Variants in CACNA2D3 observed in about 807,000 individuals in gnomAD.
The protein encoded by CACNA2D3 is voltage-dependent calcium channel subunit alpha-2/delta-3.
CACNA2D3 carries 60 observed loss-of-function variants against 160.6 expected under a neutral mutation model. The ratio of observed to expected loss-of-function variants is 0.37; its 90% CI spans 0.30 to 0.46. The LOEUF (loss-of-function observed/expected upper bound fraction) is 0.46. Ranked by LOEUF, CACNA2D3 falls within the 20% of genes least tolerant of loss-of-function variation. The pLI, the probability that CACNA2D3 is intolerant of heterozygous loss-of-function variation, is 1.00. For missense variants in CACNA2D3, 1,205 were observed against 1,365.0 expected, an observed-to-expected ratio of 0.88 and a Z score of 1.85; for synonymous variants, 558 against 492.9, an observed-to-expected ratio of 1.13 and a Z score of -1.75.
chr3:54,813,046 A>G (rs990506175), intron 13 of CACNA2D3, among the ~76,000 whole-genome samples: 1 of 152,108 alleles, frequency 6.6e-6, no homozygotes, highest in African/African-American at 2.4e-5. Flanking sequence ...CACATTCTCC[A>G]TGTTTGAATG....
At chr3:54,649,156 C>T (rs1699711068) in intron 11 of CACNA2D3, among the ~76,000 whole-genome samples, 2 of 152,154 alleles carry the variant, frequency 1.3e-5, no homozygotes, top group East Asian at 1.9e-4. Flanking sequence ...TCTCCTTTTC[C>T]CTCTCTCCTT....
At chr3:54,134,879 C>G (rs1380150627) in intron 2 of CACNA2D3, among the ~76,000 whole-genome samples, 1 of 152,248 alleles carries the variant, frequency 6.6e-6, no homozygotes, top group East Asian at 1.9e-4. Flanking sequence ...CAGTACCAAG[C>G]TGAGCAGCTG....
chr3:54,726,039 G>A (rs1320875914), intron 11 of CACNA2D3, among the ~76,000 whole-genome samples: 1 of 151,946 alleles, frequency 6.6e-6, no homozygotes, highest in Non-Finnish European at 1.5e-5. Context: ...AGTCTCCTTA[G>A]GCTGATAAGC....
At chr3:54,191,991 G>A (rs1164880437) in intron 2 of CACNA2D3, among the ~76,000 whole-genome samples, 1 of 152,160 alleles carries the variant, frequency 6.6e-6, no homozygotes, top group Non-Finnish European at 1.5e-5. Context: ...GTTTGGAGGA[G>A]GTTTGGGTTT....
chr3:54,177,085 C>T (rs1379120193), intron 2 of CACNA2D3, among the ~76,000 whole-genome samples: 3 of 152,144 alleles, frequency 2.0e-5, no homozygotes, highest in Non-Finnish European at 2.9e-5. Flanking sequence ...GAGTGAGTCC[C>T]CCATAAATGG....
intron 5 of CACNA2D3, among the ~76,000 whole-genome samples, chr3:54,542,864 A>G (rs1290443371): frequency 6.6e-6 from 1 of 152,316 alleles, no homozygotes; most frequent in South Asian, 2.1e-4. Flanking sequence ...ATATTAAGGA[A>G]CACAAAATTA....
intron 17 of CACNA2D3, among the ~76,000 whole-genome samples, chr3:54,866,484 C>CAT (rs1699403549): frequency 6.6e-6 from 1 of 152,168 alleles, no homozygotes; most frequent in Non-Finnish European, 1.5e-5. Flanking sequence ...GTCCAGATGG[C>CAT]ATTAGCTTTG....
At chr3:54,965,542 G>T (rs897263476) in intron 27 of CACNA2D3, among the ~76,000 whole-genome samples, 4 of 152,138 alleles carry the variant, frequency 2.6e-5, no homozygotes, top group Admixed American at 2.0e-4. Flanking sequence ...CTTTTACAAT[G>T]GATCTACTCC....
At chr3:54,180,026 T>A (rs941359667) in intron 2 of CACNA2D3, among the ~76,000 whole-genome samples, 1 of 152,056 alleles carries the variant, frequency 6.6e-6, no homozygotes, top group African/African-American at 2.4e-5. Flanking sequence ...TCATTTTTTC[T>A]TCCTTTTTTT....
chr3:54,632,884 TAA>T (rs902181230), intron 10 of CACNA2D3: 1 of 151,944 alleles, frequency 6.6e-6, no homozygotes, highest in Non-Finnish European at 1.5e-5. Flanking sequence ...GTTATATTGA[TAA>T]AGACAGTAGA....
At chr3:54,655,757 G>A (rs1298675986) in intron 11 of CACNA2D3, among the ~76,000 whole-genome samples, 2 of 152,164 alleles carry the variant, frequency 1.3e-5, no homozygotes, top group African/African-American at 4.8e-5. Flanking sequence ...CAATTCAAAT[G>A]AGATGAGTTT....
intron 4 of CACNA2D3, among the ~76,000 whole-genome samples, chr3:54,458,251 C>T (rs2106834017): frequency 6.6e-6 from 1 of 152,074 alleles, no homozygotes; most frequent in East Asian, 1.9e-4. Flanking sequence ...TGTATTTGCT[C>T]CACCAGTGAA....
chr3:54,567,461 T>C (rs1702425713), intron 6 of CACNA2D3, among the ~76,000 whole-genome samples: 1 of 152,202 alleles, frequency 6.6e-6, no homozygotes, highest in South Asian at 2.1e-4. Flanking sequence ...GGAAGACAAA[T>C]GCCATGTTTC....
intron 4 of CACNA2D3, among the ~76,000 whole-genome samples, chr3:54,477,409 G>A (rs941437245): frequency 1.3e-5 from 2 of 152,064 alleles, no homozygotes; most frequent in Admixed American, 1.3e-4. Context: ...CCGTTACAGT[G>A]TATTTAAAAC....
chr3:54,490,199 C>A (rs1315738059), intron 4 of CACNA2D3, among the ~76,000 whole-genome samples: 3 of 152,254 alleles, frequency 2.0e-5, no homozygotes, highest in Non-Finnish European at 4.4e-5. Context: ...CTGCTGCAGG[C>A]ACTGTGTGGT....
intron 9 of CACNA2D3, among the ~76,000 whole-genome samples, chr3:54,594,714 A>G (rs1421405904): frequency 6.6e-6 from 1 of 152,232 alleles, no homozygotes; most frequent in Admixed American, 6.5e-5. Flanking sequence ...AATAATATCA[A>G]TAATAAATAC....
chr3:54,878,437 C>CA (rs955491492), intron 18 of CACNA2D3, among the ~76,000 whole-genome samples: 4 of 152,062 alleles, frequency 2.6e-5, no homozygotes, highest in African/African-American at 9.7e-5. Context: ...ACAGGACCTC[C>CA]AAAAAATCAG....
chr3:55,052,706 T>C (rs968338024), intron 35 of CACNA2D3, among the ~76,000 whole-genome samples: 2 of 152,136 alleles, frequency 1.3e-5, no homozygotes, highest in African/African-American at 4.8e-5. Flanking sequence ...TATGCCTTTT[T>C]AGTGAATTGG....
intron 31 of CACNA2D3, among the ~76,000 whole-genome samples, chr3:54,989,297 G>C (rs1012978178): frequency 6.6e-6 from 1 of 152,214 alleles, no homozygotes; most frequent in African/African-American, 2.4e-5. Context: ...GAGAAAGGGT[G>C]TAATGGAATT....
Sources: allele counts gnomAD v4.1 joint callset (sites outside exome capture counted in the v4.1 genomes callset), GRCh38; gene constraint gnomAD v4.1.1; transcripts MANE v1.5; gene names NCBI Gene and HGNC (gene_info 2026-07-23, HGNC 2026-07-21).